SLC16A1: variants seen among roughly 807,000 people sequenced by gnomAD.
The protein encoded by SLC16A1 is monocarboxylate transporter 1.
A neutral mutation model predicts 32.2 loss-of-function variants in SLC16A1; 11 were observed. That is an observed-to-expected ratio of 0.34 (90% CI 0.21 to 0.56). The LOEUF (loss-of-function observed/expected upper bound fraction) is 0.56, where lower values mean the gene tolerates loss of function less well. SLC16A1 is among the 20% of genes least tolerant of loss of function. The pLI, the probability that SLC16A1 is intolerant of heterozygous loss-of-function variation, is 0.87. For synonymous variants in SLC16A1, 231 were observed against 226.8 expected (o/e 1.02, Z -0.17); for missense variants, 435 against 615.0 (o/e 0.71, Z 3.10).
intron 4 of SLC16A1, among the ~76,000 whole-genome samples, chr1:112,915,477 T>C (rs1012601567): frequency 5.9e-5 from 9 of 152,180 alleles, no homozygotes; most frequent in Non-Finnish European, 1.2e-4. Context: ...GGCCAGCCCA[T>C]GCAGTGCCTT....
intron 1 of SLC16A1, chr1:112,955,797 T>C (rs953534303): frequency 2.0e-5 from 3 of 152,318 alleles, no homozygotes; most frequent in Non-Finnish European, 2.9e-5. Context: ...ACCGGCATCT[T>C]AGCACGGGGC....
intron 1 of SLC16A1, among the ~76,000 whole-genome samples, chr1:112,938,221 C>A (rs1265546079): frequency 2.6e-5 from 4 of 152,098 alleles, no homozygotes; most frequent in African/African-American, 4.8e-5. Flanking sequence ...TGAGTGTAAA[C>A]TAGTTTTAGG....
At chr1:112,942,254 G>A (rs769984393) in intron 1 of SLC16A1, among the ~76,000 whole-genome samples, 26 of 152,212 alleles carry the variant, frequency 1.7e-4, no homozygotes, top group Non-Finnish European at 3.4e-4. Context: ...TTACAGGCGT[G>A]AGCCACTGTG....
intron 1 of SLC16A1, among the ~76,000 whole-genome samples, chr1:112,932,488 A>G (rs562983008): frequency 6.6e-6 from 1 of 152,114 alleles, no homozygotes; most frequent in South Asian, 2.1e-4. Flanking sequence ...ACCTATGATC[A>G]TGCTGCTGCA....
At chr1:112,945,427 C>A (rs1055004249) in intron 1 of SLC16A1, among the ~76,000 whole-genome samples, 2 of 152,148 alleles carry the variant, frequency 1.3e-5, no homozygotes, top group African/African-American at 2.4e-5. Flanking sequence ...GTAATCCCAG[C>A]ACTTTGTGAG....
intron 1 of SLC16A1, among the ~76,000 whole-genome samples, chr1:112,933,448 T>C (rs1359386244): frequency 1.5e-5 from 2 of 135,364 alleles, no homozygotes; most frequent in African/African-American, 5.5e-5. Context: ...ACAGCGAGAC[T>C]GCGTCTCAAA....
At chr1:112,933,195 C>T (rs996076601) in intron 1 of SLC16A1, among the ~76,000 whole-genome samples, 26 of 152,016 alleles carry the variant, frequency 1.7e-4, no homozygotes, top group Non-Finnish European at 3.1e-4. Context: ...GTTGGCCGGG[C>T]GCAGTGGCTC....
chr1:112,945,060 G>A (rs921032438), intron 1 of SLC16A1, among the ~76,000 whole-genome samples: 4 of 149,162 alleles, frequency 2.7e-5, no homozygotes, highest in African/African-American at 5.0e-5. Context: ...GTGCAGTGGC[G>A]TGATCTCGGC....
At chr1:112,950,944 C>A (rs1649870930) in intron 1 of SLC16A1, among the ~76,000 whole-genome samples, 1 of 151,954 alleles carries the variant, frequency 6.6e-6, no homozygotes, top group Non-Finnish European at 1.5e-5. Context: ...CTGCAGTGAA[C>A]CATGATGGTT....
rs554659431 is a variant in SLC16A1 at position 112,923,995 on chromosome 1, G to A, written c.218-1862C>T. The A allele has an allele frequency of 2.6e-4, 375 of 1,432,314 alleles. No homozygotes were observed. The African/African-American group carries it at 4.6e-3, about 18-fold the overall frequency. The allele number at this position is 1,432,314 out of a possible 1,614,324, so 88.7% of individuals were successfully genotyped here. ...AAGTACAAGTATAAGGACAAGGACA[G>A]GAAACAGCCCATGGGCCGCTTCTTT... On this transcript the variant is annotated intron_variant, in intron 2 of 4. Transcript: ENST00000369626.
At position 112,917,145 on chromosome 1, in the gene SLC16A1, A is replaced by G; in HGVS notation, c.1228+33T>C. The G allele has an allele frequency of 6.2e-7, 1 of 1,613,888 alleles. No homozygotes were observed. The highest frequency in any genetic ancestry group is 8.5e-7 in the Non-Finnish European group (1 of 1,179,892). On this transcript the variant is annotated intron_variant, in intron 4 of 4. Transcript: ENST00000369626. This position sits in a 1 kb window ranked among gnomAD's most constrained non-coding sequence, Gnocchi z 4.1. ...TCCCATCTTACATGCTTGTTTTGTA[A>G]TAGACCCACATTAGTAGGGAGATAT...
rs1648415044 is a variant in SLC16A1, at chr1:112,914,014, T to C, written c.1380A>G (p.Glu460=). Residue 460 remains glutamate, a synonymous_variant, in exon 5 of 5, where the codon GAA becomes GAG. Coordinates refer to ENST00000369626, the MANE Select transcript of SLC16A1 (RefSeq NM_003051.4). ...CTATACTGGTCTCTTCCTCTTTACT[T>C]TCCTTTTTCTGCTCGTTTGCTTTCT... ...KEQKANEQKK[E]SKEEETSIDV... is the part of the protein sequence containing the mutation. 4 of 1,614,086 alleles carry C rather than the reference T, an allele frequency of 2.5e-6. No homozygotes were observed. Among genetic ancestry groups the C allele is most frequent in the African/African-American group, 1.3e-5 (1 of 74,926 alleles).
At chr1:112,943,525 C>T (rs942818486) in intron 1 of SLC16A1, among the ~76,000 whole-genome samples, 12 of 152,136 alleles carry the variant, frequency 7.9e-5, no homozygotes, top group Admixed American at 5.9e-4. Flanking sequence ...CAGTGGCTCA[C>T]GCCTGTAATC....
At chr1:112,924,270 G>A (rs933739155) in intron 2 of SLC16A1, 48 of 1,474,722 alleles carry the variant, frequency 3.3e-5, no homozygotes, top group Non-Finnish European at 4.4e-5. Context: ...AGGGCCCCTG[G>A]AGCCAGATGT....
chr1:112,923,115 T>C (rs980228698), intron 2 of SLC16A1, among the ~76,000 whole-genome samples: 2 of 150,842 alleles, frequency 1.3e-5, no homozygotes, highest in African/African-American at 4.9e-5. Flanking sequence ...AGGTCAGGAG[T>C]TCAAGACCAG....
intron 2 of SLC16A1, chr1:112,923,398 G>C: frequency 3.2e-6 from 2 of 627,496 alleles, no homozygotes; most frequent in Non-Finnish European, 5.9e-6. Flanking sequence ...CTCCCGGGCT[G>C]TCGCAGTCTC....
intron 1 of SLC16A1, among the ~76,000 whole-genome samples, chr1:112,941,109 G>T (rs1204716894): frequency 6.6e-6 from 1 of 151,920 alleles, no homozygotes; most frequent in African/African-American, 2.4e-5. Flanking sequence ...CTGGGTGATG[G>T]GTTCAATTGT....
rs373343674 is a variant in SLC16A1 at position 112,934,041 on chromosome 1, T to C, written c.-44-4689A>G. Reference sequence around the variant, plus strand: ...GGAACTACTGATGCATGCGATAACATGGATGAATTTTAAAAGCGTTCTGTT... The same window carrying C: ...GGAACTACTGATGCATGCGATAACACGGATGAATTTTAAAAGCGTTCTGTT... On this transcript the variant is annotated intron_variant, in intron 1 of 4. Transcript: ENST00000369626. Among the ~76,000 whole-genome samples the C allele has an allele frequency of 1.6e-4, 25 of 152,268 alleles. No individual in the cohort carries two copies. The South Asian group carries it at 5.0e-3, about 30-fold the overall frequency.
At chr1:112,927,173 T>C (rs1050569003) in intron 2 of SLC16A1, among the ~76,000 whole-genome samples, 1 of 150,966 alleles carries the variant, frequency 6.6e-6, no homozygotes, top group Non-Finnish European at 1.5e-5. Context: ...CACCACACTG[T>C]TGACTCTGAG....
Sources: allele counts gnomAD v4.1 joint callset (sites outside exome capture counted in the v4.1 genomes callset), GRCh38; gene constraint gnomAD v4.1.1; non-coding constraint Gnocchi (gnomAD v3.1); transcripts MANE v1.5; gene names NCBI Gene and HGNC (gene_info 2026-07-23, HGNC 2026-07-21).